CAMTA1: variants seen among roughly 807,000 people sequenced by gnomAD.
The protein encoded by CAMTA1 is calmodulin-binding transcription activator 1.
A neutral mutation model predicts 170.9 loss-of-function variants in CAMTA1; 27 were observed. The ratio of observed to expected loss-of-function variants is 0.16; its 90% CI spans 0.12 to 0.22. CAMTA1 has a LOEUF of 0.22. Among genes scored for constraint, CAMTA1 ranks in the 10% least tolerant of loss-of-function variants. The pLI is 1.00. For missense variants in CAMTA1, 1,619 were observed against 2,217.2 expected (o/e 0.73, Z 5.42); for synonymous variants, 833 against 891.5 (o/e 0.93, Z 1.17).
rs140732573 is a variant in CAMTA1, at chr1:6,836,626, T to C, written c.234+11416T>C. On this transcript the variant is annotated intron_variant, in intron 3 of 22. Transcript: ENST00000303635. ...GTGCATGTGCGCGTATGTGCATGCA[T>C]GTGCACTCATCCAGGTGGGGCGTCT... 2.1e-3 allele frequency among the ~76,000 whole-genome samples: 317 copies of C among 152,270 alleles called. 1 individual carries two copies. Among genetic ancestry groups the C allele is most frequent in the Admixed American group, 4.4e-3 (67 of 15,296 alleles).
intron 3 of CAMTA1, among the ~76,000 whole-genome samples, chr1:6,900,596 C>T (rs962677875): frequency 1.3e-5 from 2 of 151,904 alleles, no homozygotes; most frequent in Non-Finnish European, 2.9e-5. Flanking sequence ...ATGAATTCAG[C>T]AAGACAACAA....
chr1:6,992,506 G>A (rs6681529), intron 3 of CAMTA1, among the ~76,000 whole-genome samples: 96,964 of 152,126 alleles, frequency 0.64, 32,404 homozygotes, highest in African/African-American at 0.85. Context: ...ATGCAGGTCT[G>A]TTGCTCATCC....
intron 5 of CAMTA1, among the ~76,000 whole-genome samples, chr1:7,261,277 C>T (rs796336551): frequency 2.0e-5 from 3 of 152,168 alleles, no homozygotes; most frequent in South Asian, 4.2e-4. Flanking sequence ...TGGCATTCAT[C>T]GTTCTTTAGT....
intron 6 of CAMTA1, among the ~76,000 whole-genome samples, chr1:7,509,509 T>A (rs2094170983): frequency 6.6e-6 from 1 of 152,182 alleles, no homozygotes; most frequent in South Asian, 2.1e-4. Context: ...TTTACTCTAT[T>A]TCTGGATTAT....
At chr1:7,449,903 G>C (rs1311313207) in intron 5 of CAMTA1, among the ~76,000 whole-genome samples, 1 of 152,146 alleles carries the variant, frequency 6.6e-6, no homozygotes, top group Non-Finnish European at 1.5e-5. Flanking sequence ...GCAGCCCCCA[G>C]GGGAGAAAGG....
chr1:7,150,319 T>C (rs1347242253), intron 4 of CAMTA1, among the ~76,000 whole-genome samples: 3 of 152,100 alleles, frequency 2.0e-5, no homozygotes, highest in Non-Finnish European at 2.9e-5. Flanking sequence ...GAAACAGGAA[T>C]GGAAATGCTT....
intron 5 of CAMTA1, among the ~76,000 whole-genome samples, chr1:7,326,903 AGAAG>A (rs2082717623): frequency 6.6e-6 from 1 of 152,166 alleles, no homozygotes; most frequent in African/African-American, 2.4e-5. Flanking sequence ...AAGCAGGTAG[AGAAG>A]ATATGACCAT....
At chr1:6,984,285 G>A (rs1695000916) in intron 3 of CAMTA1, among the ~76,000 whole-genome samples, 1 of 151,930 alleles carries the variant, frequency 6.6e-6, no homozygotes, top group Non-Finnish European at 1.5e-5. Context: ...CATTGTAAAA[G>A]TGCATAAAGG....
At chr1:7,546,905 G>A (rs2094701253) in intron 6 of CAMTA1, among the ~76,000 whole-genome samples, 2 of 151,816 alleles carry the variant, frequency 1.3e-5, no homozygotes, top group East Asian at 1.9e-4. Context: ...CTTCTCCACT[G>A]TAAGCTTACT....
At position 7,320,658 on chromosome 1, in the gene CAMTA1, T is replaced by G. The variant is rs12123646; in HGVS notation, c.438+71032T>G. Among the ~76,000 whole-genome samples, 641 of 108,374 alleles carry G rather than the reference T, an allele frequency of 5.9e-3. 9 individuals are homozygous for G. The highest frequency in any genetic ancestry group is 0.013 in the African/African-American group (453 of 35,002). The allele number at this position is 108,374 out of a possible 152,430, so 71.1% of individuals were successfully genotyped here. Reference sequence around the variant, plus strand: ...GGGCTGTGCTGTGTGTGTTTTTTTTTTTTTTTTTTTTTTTTTGCTATCTTA... The same window carrying G: ...GGGCTGTGCTGTGTGTGTTTTTTTTGTTTTTTTTTTTTTTTTGCTATCTTA... On this transcript the variant is annotated intron_variant, in intron 5 of 22. Transcript: ENST00000303635.
chr1:7,646,409 G>A (rs935557111), intron 7 of CAMTA1, among the ~76,000 whole-genome samples: 1 of 150,034 alleles, frequency 6.7e-6, no homozygotes, highest in African/African-American at 2.5e-5. Flanking sequence ...TGGTGAGTTG[G>A]GTGGAGGCCC....
At chr1:7,201,673 C>T (rs1351052972) in intron 4 of CAMTA1, among the ~76,000 whole-genome samples, 1 of 152,072 alleles carries the variant, frequency 6.6e-6, no homozygotes, top group African/African-American at 2.4e-5. Flanking sequence ...GTATATTTTC[C>T]ATTTGTATTT....
chr1:7,575,853 T>C (rs760545535), intron 6 of CAMTA1, among the ~76,000 whole-genome samples: 8 of 152,196 alleles, frequency 5.3e-5, no homozygotes, highest in Non-Finnish European at 1.2e-4. Context: ...GAATTTGCAC[T>C]GCCAGGCAAG....
rs550875548 is a variant in CAMTA1, at chr1:7,634,378, G to A, written c.511-6022G>A. ...CTGGGCAGCTGTGGGAAGCCTGGAG[G>A]GGCCAAGGGTGCTGAGCAGGAGGTC... is the stretch of plus-strand genomic sequence containing the variant. On this transcript the variant is annotated intron_variant, in intron 6 of 22. Transcript: ENST00000303635. This position sits in a 1 kb window ranked among gnomAD's most constrained non-coding sequence, Gnocchi z 6.2. 3.9e-5 allele frequency among the ~76,000 whole-genome samples: 6 copies of A among 152,240 alleles called. No individual in the cohort carries two copies. The South Asian group carries it at 1.2e-3, about 32-fold the overall frequency.
chr1:7,192,394 C>T (rs1558229171), intron 4 of CAMTA1, among the ~76,000 whole-genome samples: 2 of 152,192 alleles, frequency 1.3e-5, no homozygotes, highest in African/African-American at 2.4e-5. Flanking sequence ...AGGGGCAGAG[C>T]GGAGGGAACA....
chr1:7,603,441 CTTCT>C (rs1446652657), intron 6 of CAMTA1, among the ~76,000 whole-genome samples: 2 of 152,106 alleles, frequency 1.3e-5, no homozygotes, highest in African/African-American at 4.8e-5. Flanking sequence ...ATGTAATGGT[CTTCT>C]TTGTCTCTTT....
In CAMTA1 at chr1:7,665,226, G is replaced by A. The variant is rs777099240; in HGVS notation, c.2652+27G>A. On this transcript the variant is annotated intron_variant, in intron 9 of 22. Coordinates refer to ENST00000303635, the MANE Select transcript of CAMTA1 (RefSeq NM_015215.4). The surrounding 1 kb of genome is among the most constrained non-coding windows in gnomAD (Gnocchi z 4.3). ...TAAGCTGCCGCCGCTGCCACCACCT[G>A]TCACCTCCCCTCCCACCCACCTCGC... The A allele has an allele frequency of 4.2e-6, 6 of 1,428,098 alleles. No individual in the cohort carries two copies. The highest frequency in any genetic ancestry group is 2.5e-5 in the East Asian group (1 of 40,330). The allele number at this position is 1,428,098 out of a possible 1,614,324, so 88.5% of individuals were successfully genotyped here. A position where few individuals can be genotyped will look rare whatever the true frequency, so the allele number is the denominator to read the frequency against.
At chr1:7,478,533 G>A (rs1338392237) in intron 6 of CAMTA1, among the ~76,000 whole-genome samples, 1 of 152,226 alleles carries the variant, frequency 6.6e-6, no homozygotes, top group South Asian at 2.1e-4. Context: ...GAAGCTTCCG[G>A]AGCCGCAGTT....
rs376248669 is a variant in CAMTA1 at position 7,184,506 on chromosome 1, C to T, written c.303-64985C>T. On this transcript the variant is annotated intron_variant, in intron 4 of 22. Coordinates refer to ENST00000303635, the MANE Select transcript of CAMTA1 (RefSeq NM_015215.4). ...CATGCATATATACCTACTATGTACCCACAAAAATTAAAAATTAAAAAAAGT... is the reference window on the plus strand; with the variant it reads ...CATGCATATATACCTACTATGTACCTACAAAAATTAAAAATTAAAAAAAGT... 1.8e-3 allele frequency among the ~76,000 whole-genome samples: 271 copies of T among 151,770 alleles called. 1 individual carries two copies. Among genetic ancestry groups the T allele is most frequent in the African/African-American group, 6.0e-3 (248 of 41,352 alleles).
Sources: gnomAD v4.1 joint callset for allele counts (sites outside exome capture counted in the v4.1 genomes callset) on GRCh38, gnomAD v4.1.1 for gene constraint, Gnocchi (gnomAD v3.1) non-coding constraint, MANE v1.5 for transcripts, NCBI Gene and HGNC (gene_info 2026-07-23, HGNC 2026-07-21) for gene names.